NTM: variants seen among roughly 807,000 people sequenced by gnomAD.
The protein encoded by NTM is IgLON family member 2.
NTM carries 13 observed loss-of-function variants against 42.1 expected under a neutral mutation model. The ratio of observed to expected loss-of-function variants is 0.31; its 90% CI spans 0.20 to 0.49. The LOEUF (loss-of-function observed/expected upper bound fraction) is 0.49, where lower values mean the gene tolerates loss of function less well. Among genes scored for constraint, NTM ranks in the 20% least tolerant of loss-of-function variants. The pLI is 0.99. For synonymous variants in NTM, 187 were observed against 179.2 expected, an observed-to-expected ratio of 1.04 and a Z score of -0.35; for missense variants, 373 against 452.8, an observed-to-expected ratio of 0.82 and a Z score of 1.60.
chr11:131,918,352 C>T lies in NTM; in HGVS notation c.167+6704C>T, dbSNP rs377665414. Among the ~76,000 whole-genome samples the T allele has an allele frequency of 1.6e-4, 24 of 152,284 alleles. No individual in the cohort carries two copies. In the South Asian group the frequency reaches 4.4e-3, roughly 28 times the overall value. On this transcript the variant is annotated intron_variant, in intron 2 of 8. Transcript: ENST00000683400. Reference sequence around the variant, plus strand: ...TTCTCTCCTGACTGCTGGTTTAGTCCGTACCACACCTTGCGTTCTTATGCT... The same window carrying T: ...TTCTCTCCTGACTGCTGGTTTAGTCTGTACCACACCTTGCGTTCTTATGCT...
intron 2 of NTM, among the ~76,000 whole-genome samples, chr11:131,929,152 G>GA (rs372434647): frequency 0.035 from 5,232 of 150,440 alleles, 295 homozygotes; most frequent in African/African-American, 0.12. Context: ...CAGCCAGGGA[G>GA]GGAAAGGAGG....
chr11:131,882,651 T>G (rs1481075640), intron 1 of NTM, among the ~76,000 whole-genome samples: 1 of 152,096 alleles, frequency 6.6e-6, no homozygotes, highest in Non-Finnish European at 1.5e-5. Flanking sequence ...GGACTGAGCC[T>G]TCCATGATGG....
intron 1 of NTM, among the ~76,000 whole-genome samples, chr11:131,531,515 A>C (rs189731808): frequency 3.9e-5 from 6 of 152,294 alleles, no homozygotes; most frequent in Admixed American, 3.9e-4. Context: ...GAACTTAAGG[A>C]GGGAAGGAAA....
intron 1 of NTM, among the ~76,000 whole-genome samples, chr11:131,396,403 G>T (rs1269532624): frequency 1.3e-5 from 2 of 152,118 alleles, no homozygotes; most frequent in Non-Finnish European, 2.9e-5. Context: ...CTCCTGCTCT[G>T]CAGCCTTCAT....
intron 2 of NTM, among the ~76,000 whole-genome samples, chr11:132,076,446 G>A (rs1475634164): frequency 1.3e-5 from 2 of 152,190 alleles, no homozygotes; most frequent in Non-Finnish European, 2.9e-5. Flanking sequence ...GGCCAACTAT[G>A]GAGAAGGCAT....
chr11:131,660,513 G>A lies in NTM; in HGVS notation c.83-251051G>A, dbSNP rs755161327. The stretch of plus-strand genomic sequence containing the variant: ...TCCCTCCTCCCGAGAGGCACCAGCC[G>A]GCACTGACCCTGGGTCCCATCTCTG... On this transcript the variant is annotated intron_variant, in intron 1 of 8. Coordinates refer to ENST00000683400, the MANE Select transcript of NTM (RefSeq NM_001352005.2). 4.6e-5 allele frequency: 21 copies of A among 457,528 alleles called. No individual in the cohort carries two copies. The East Asian group carries it at 9.1e-4, about 20-fold the overall frequency. 28.3% of individuals were successfully genotyped at this position (457,528 alleles called of 1,614,324 possible).
intron 1 of NTM, among the ~76,000 whole-genome samples, chr11:131,388,424 GTT>G (rs374892633): frequency 2.9e-4 from 32 of 110,230 alleles, no homozygotes; most frequent in Non-Finnish European, 3.7e-4. Flanking sequence ...TGGGTTTTGG[GTT>G]TTTTTTTTTT....
chr11:131,850,536 G>T (rs564717981), intron 1 of NTM, among the ~76,000 whole-genome samples: 1 of 152,260 alleles, frequency 6.6e-6, no homozygotes, highest in South Asian at 2.1e-4. Flanking sequence ...TCCTTAAAAT[G>T]AAAGTTTGAC....
chr11:131,943,902 A>T (rs581212), intron 2 of NTM, among the ~76,000 whole-genome samples: 3 of 133,862 alleles, frequency 2.2e-5, no homozygotes, highest in African/African-American at 8.6e-5. Flanking sequence ...TTCTAATTCC[A>T]ACTCACATTT....
intron 1 of NTM, among the ~76,000 whole-genome samples, chr11:131,528,199 G>T (rs1362495423): frequency 1.3e-5 from 2 of 152,154 alleles, no homozygotes; most frequent in Non-Finnish European, 2.9e-5. Flanking sequence ...CTTCCCCAAA[G>T]TTCTGTTATC....
At chr11:131,735,123 C>T (rs754050381) in intron 1 of NTM, among the ~76,000 whole-genome samples, 7 of 152,170 alleles carry the variant, frequency 4.6e-5, no homozygotes, top group Non-Finnish European at 8.8e-5. Context: ...CTGCCAAAAA[C>T]GTGTTGCAAG....
rs754605546 is a variant in NTM at position 132,314,645 on chromosome 11, CTACACTTGCGTGGCCTCCA to C, written c.877_895del (p.Tyr293ThrfsTer15). ...ATGTCTCTGAACATGACTATGGGAACTACACTTGCGTGGCCTCCAACAAGCTGGGCCACACCAATGCCAG... is the reference window on the plus strand; with the variant it reads ...ATGTCTCTGAACATGACTATGGGAACACAAGCTGGGCCACACCAATGCCAG... On this transcript the variant is annotated frameshift_variant, in exon 7 of 9. Coordinates refer to ENST00000683400, the MANE Select transcript of NTM (RefSeq NM_001352005.2). LOFTEE classifies it high-confidence loss of function. The C allele has an allele frequency of 6.2e-7, 1 of 1,613,930 alleles. No homozygotes were observed. Among genetic ancestry groups the C allele is most frequent in the Non-Finnish European group, 8.5e-7 (1 of 1,179,936 alleles).
chr11:131,827,857 G>C (rs1014858384), intron 1 of NTM, among the ~76,000 whole-genome samples: 2 of 152,078 alleles, frequency 1.3e-5, no homozygotes, highest in Non-Finnish European at 2.9e-5. Flanking sequence ...GTCCATTCTC[G>C]AAGCTGCCCT....
intron 1 of NTM, chr11:131,535,927 T>C (rs999955239): frequency 6.6e-6 from 1 of 152,254 alleles, no homozygotes; most frequent in African/African-American, 2.4e-5. Flanking sequence ...GAAGAACTGC[T>C]AAGAGTGGAC....
intron 1 of NTM, among the ~76,000 whole-genome samples, chr11:131,555,397 T>C (rs940441051): frequency 1.3e-5 from 2 of 152,142 alleles, no homozygotes; most frequent in African/African-American, 2.4e-5. Flanking sequence ...TAAATCTATA[T>C]TGAGGGCAGT....
intron 1 of NTM, among the ~76,000 whole-genome samples, chr11:131,384,411 A>T (rs543061212): frequency 1.5e-4 from 23 of 152,346 alleles, no homozygotes; most frequent in African/African-American, 5.5e-4. Flanking sequence ...TTTCTAAAGG[A>T]TCAAGGGAGA....
intron 3 of NTM, among the ~76,000 whole-genome samples, chr11:132,193,141 C>T (rs774368617): frequency 7.9e-5 from 12 of 152,036 alleles, no homozygotes; most frequent in Admixed American, 2.0e-4. Context: ...GACACTTGAC[C>T]GGTTGAATTT....
At chr11:131,594,322 G>A (rs968918462) in intron 1 of NTM, among the ~76,000 whole-genome samples, 2 of 152,122 alleles carry the variant, frequency 1.3e-5, no homozygotes, top group African/African-American at 4.8e-5. Context: ...AGTATATTAG[G>A]AGTTGGTTCT....
intron 1 of NTM, among the ~76,000 whole-genome samples, chr11:131,692,281 A>G (rs1046833284): frequency 1.3e-5 from 2 of 151,778 alleles, no homozygotes; most frequent in Non-Finnish European, 2.9e-5. Context: ...CAGATCTCTG[A>G]GTGATGCTGA....
Sources: gnomAD v4.1 joint callset for allele counts (sites outside exome capture counted in the v4.1 genomes callset) on GRCh38, gnomAD v4.1.1 for gene constraint, MANE v1.5 for transcripts, NCBI Gene and HGNC (gene_info 2026-07-23, HGNC 2026-07-21) for gene names.